The following UPK3BL1 variants were observed in gnomAD, a reference collection of about 807,000 sequenced individuals.
The protein encoded by UPK3BL1 is uroplakin 3B like 1.
chr7:102,639,953 A>AAAAAC lies in UPK3BL1; in HGVS notation c.485+246_485+250dup, dbSNP rs1488008112. The stretch of plus-strand genomic sequence containing the variant: ...GGTCACAGAGCAAGACTCCATCTCA[A>AAAAAC]AAAACAAAACAAAAAAAAAAAAAAA... On this transcript the variant is annotated intron_variant, in intron 3 of 5. Coordinates refer to ENST00000340457, the MANE Select transcript of UPK3BL1 (RefSeq NM_001114403.3). Among the ~76,000 whole-genome samples the AAAAAC allele has an allele frequency of 4.6e-3, 56 of 12,180 alleles. 1 individual carries two copies. Among genetic ancestry groups the AAAAAC allele is most frequent in the Non-Finnish European group, 9.2e-3 (47 of 5,128 alleles). The allele number at this position is 12,180 out of a possible 152,430, so 8.0% of individuals were successfully genotyped here. A position where few individuals can be genotyped will look rare whatever the true frequency, so the allele number is the denominator to read the frequency against.
chr7:102,639,980 A>AAAAAAAAAAAG (rs1791511946), intron 3 of UPK3BL1, among the ~76,000 whole-genome samples: 1 of 16,586 alleles, frequency 6.0e-5, no homozygotes, highest in African/African-American at 1.7e-4. Flanking sequence ...AAAAAAAAAA[A>AAAAAAAAAAAG]AGAAGAAGAA....
rs1791419221 is a variant in UPK3BL1 at position 102,637,358 on chromosome 7, G to A, written c.*167C>T. 2.5e-6 allele frequency: 1 copy of A among 401,622 alleles called. No individual in the cohort carries two copies. Among genetic ancestry groups the A allele is most frequent in the African/African-American group, 2.4e-5 (1 of 42,540 alleles). 24.9% of individuals were successfully genotyped at this position (401,622 alleles called of 1,614,324 possible). A position where few individuals can be genotyped will look rare whatever the true frequency, so the allele number is the denominator to read the frequency against. On this transcript the variant is annotated 3_prime_UTR_variant, in exon 6 of 6. Transcript: ENST00000340457. ...GTTGCAGTGAGCCAAGATCGCGCCA[G>A]CCTGGCGACAGAGTGAGACTCCGTC...
chr7:102,641,836 C>T (rs1318900186), intron 1 of UPK3BL1, among the ~76,000 whole-genome samples: 3 of 79,796 alleles, frequency 3.8e-5, no homozygotes, highest in African/African-American at 1.1e-4. Flanking sequence ...GGAGGCCGGG[C>T]GCGGTGGCTC....
At position 102,639,157 on chromosome 7, in the gene UPK3BL1, T is replaced by C; in HGVS notation, c.528A>G (p.Glu176=). ...GGCGAGTGTCGCTGGACCACTTGGT[T>C]TCAGCCACGGGTCCTTCGTCATTCA... ...LVMNDEGPVA[E]TKWSSDTRLQ... Residue 176 remains glutamate, a synonymous_variant, in exon 4 of 6, where the codon GAA becomes GAG. Coordinates refer to ENST00000340457, the MANE Select transcript of UPK3BL1 (RefSeq NM_001114403.3). 1 of 1,546,590 alleles carries C rather than the reference T, an allele frequency of 6.5e-7. No homozygotes were observed. The highest frequency in any genetic ancestry group is 8.8e-7 in the Non-Finnish European group (1 of 1,142,484).
In UPK3BL1 at chr7:102,642,108, C is replaced by CG. The variant is rs1215684412; in HGVS notation, c.112+521dup. Reference sequence around the variant, plus strand: ...TGGGTGACAGTGGGAGACTCTGTCTCGAAAAAAAAAAAAAAAGAAAGAAAA... The same window carrying CG: ...TGGGTGACAGTGGGAGACTCTGTCTCGGAAAAAAAAAAAAAAAGAAAGAAAA... On this transcript the variant is annotated intron_variant, in intron 1 of 5. Coordinates refer to ENST00000340457, the MANE Select transcript of UPK3BL1 (RefSeq NM_001114403.3). 2.9e-3 allele frequency among the ~76,000 whole-genome samples: 6 copies of CG among 2,100 alleles called. No homozygotes were observed. In the Non-Finnish European group the frequency reaches 0.11, roughly 40 times the overall value. The allele number at this position is 2,100 out of a possible 152,430, so 1.4% of individuals were successfully genotyped here.
chr7:102,641,726 G>C (rs201108759), intron 1 of UPK3BL1: 114,060 of 561,680 alleles, frequency 0.2, 31,801 homozygotes, highest in Non-Finnish European at 0.23. Flanking sequence ...TCTTCCTTGG[G>C]GAAGGATTGT....
intron 1 of UPK3BL1, among the ~76,000 whole-genome samples, chr7:102,641,859 C>T (rs1791550176): frequency 1.3e-5 from 1 of 74,336 alleles, no homozygotes; most frequent in African/African-American, 3.9e-5. Context: ...GTCTGTAATC[C>T]CAGCACTTTG....
intron 1 of UPK3BL1, among the ~76,000 whole-genome samples, chr7:102,642,162 C>CG (rs1177643163): frequency 2.3e-5 from 1 of 42,844 alleles, no homozygotes; most frequent in Non-Finnish European, 4.3e-5. Flanking sequence ...AAAAGAGAAG[C>CG]GGAGCAGTCA....
chr7:102,642,124 AG>A (rs1313024728), intron 1 of UPK3BL1, among the ~76,000 whole-genome samples: 1 of 45,942 alleles, frequency 2.2e-5, no homozygotes, highest in African/African-American at 1.4e-4. Flanking sequence ...AAAAAAAAAA[AG>A]AAAGAAAAAA....
At chr7:102,639,997 GA>G (rs1274591601) in intron 3 of UPK3BL1, among the ~76,000 whole-genome samples, 30 of 12,936 alleles carry the variant, frequency 2.3e-3, no homozygotes, top group South Asian at 0.013. Context: ...AGAAGAAAAG[GA>G]AAAAAAAAAA....
chr7:102,637,195 G>C lies in UPK3BL1; in HGVS notation c.*330C>G. ...GGGCGGATCACAAGGTCAAGAGATG[G>C]AGGCCATCCTGGCCAACATGGTGAA... On this transcript the variant is annotated 3_prime_UTR_variant, in exon 6 of 6. Transcript: ENST00000340457. 1.9e-6 allele frequency: 1 copy of C among 529,604 alleles called. No individual in the cohort carries two copies. The highest frequency in any genetic ancestry group is 3.4e-6 in the Non-Finnish European group (1 of 297,074). The allele number at this position is 529,604 out of a possible 1,614,324, so 32.8% of individuals were successfully genotyped here.
intron 5 of UPK3BL1, among the ~76,000 whole-genome samples, chr7:102,637,846 A>C: frequency 2.6e-5 from 1 of 37,830 alleles, no homozygotes; most frequent in East Asian, 4.6e-4. Context: ...CTCCCCCTCC[A>C]CCCTCCACAC....
At chr7:102,642,156 GA>G in intron 1 of UPK3BL1, among the ~76,000 whole-genome samples, 2 of 46,800 alleles carry the variant, frequency 4.3e-5, no homozygotes, top group Admixed American at 3.3e-4. Flanking sequence ...AAAAGAAAAA[GA>G]GAAGCGGAGC....
chr7:102,639,965 A>AAAAAAAAC (rs1791509867), intron 3 of UPK3BL1, among the ~76,000 whole-genome samples: 1 of 15,948 alleles, frequency 6.3e-5, no homozygotes, highest in African/African-American at 2.2e-4. Flanking sequence ...AAACAAAACA[A>AAAAAAAAC]AAAAAAAAAA....
intron 1 of UPK3BL1, chr7:102,641,641 CCT>C: frequency 6.9e-6 from 2 of 290,620 alleles, no homozygotes; most frequent in Non-Finnish European, 8.4e-6. Flanking sequence ...AGCAGCTGCC[CCT>C]GTTCAGTTCA....
chr7:102,639,016 T>A lies in UPK3BL1; in HGVS notation c.562+107A>T, dbSNP rs1328252682. 9.8e-6 allele frequency: 15 copies of A among 1,536,672 alleles called. No homozygotes were observed. The South Asian group carries it at 1.6e-4, about 16-fold the overall frequency. ...AGATTGCAAGATGGTTGGCTGCCTCTGACTCAGTGGTGAGCTGACCTGTTC... is the reference window on the plus strand; with the variant it reads ...AGATTGCAAGATGGTTGGCTGCCTCAGACTCAGTGGTGAGCTGACCTGTTC... On this transcript the variant is annotated intron_variant, in intron 4 of 5. Transcript: ENST00000340457.
intron 3 of UPK3BL1, among the ~76,000 whole-genome samples, chr7:102,639,997 G>GAAA (rs1274591601): frequency 7.7e-5 from 1 of 12,954 alleles, no homozygotes; most frequent in Non-Finnish European, 1.7e-4. Context: ...AGAAGAAAAG[G>GAAA]AAAAAAAAAA....
intron 3 of UPK3BL1, among the ~76,000 whole-genome samples, chr7:102,639,981 AG>A (rs1230249828): frequency 0.069 from 1,119 of 16,214 alleles, 102 homozygotes; most frequent in African/African-American, 0.19. Context: ...AAAAAAAAAA[AG>A]AAGAAGAAGA....
At chr7:102,639,041 C>G (rs1584217550) in intron 4 of UPK3BL1, 82 bp downstream of exon 4, 1 of 1,537,826 alleles carries the variant, frequency 6.5e-7, no homozygotes, top group South Asian at 1.2e-5. Context: ...CTGACCTGTT[C>G]CCCCAGCCCA....
Sources: allele counts gnomAD v4.1 joint callset (sites outside exome capture counted in the v4.1 genomes callset), GRCh38; gene constraint gnomAD v4.1.1; transcripts MANE v1.5; gene names NCBI Gene and HGNC (gene_info 2026-07-23, HGNC 2026-07-21).